Variants in USH2A observed in about 807,000 individuals in gnomAD.
USH2A encodes Usher syndrome 2A (autosomal recessive, mild).
A neutral mutation model predicts 538.9 loss-of-function variants in USH2A; 443 were observed. The ratio of observed to expected loss-of-function variants is 0.82; its 90% CI spans 0.76 to 0.89. The LOEUF is 0.89. Among genes scored for constraint, USH2A ranks in the 40% least tolerant of loss-of-function variants. USH2A has a pLI of 0.00. For synonymous variants in USH2A, 2,413 were observed against 2,273.5 expected (o/e 1.06, Z -1.75); for missense variants, 6,633 against 6,324.8 (o/e 1.05, Z -1.65).
At chr1:216,187,654 C>T (rs979443252) in intron 20 of USH2A, among the ~76,000 whole-genome samples, 5 of 151,772 alleles carry the variant, frequency 3.3e-5, no homozygotes, top group African/African-American at 1.2e-4. Flanking sequence ...ATTTTGATAA[C>T]ATTAGAAATT....
rs185269403 is a variant in USH2A at position 215,805,457 on chromosome 1, T to A, written c.9740-6332A>T. On this transcript the variant is annotated intron_variant, in intron 49 of 71. Coordinates refer to ENST00000307340, the MANE Select transcript of USH2A (RefSeq NM_206933.4). ...CAGGGAGTGGAAAGTTAGTGCTTAATGGAAACAGAGTCTGAGCTTGAGAAG... is the reference window on the plus strand; with the variant it reads ...CAGGGAGTGGAAAGTTAGTGCTTAAAGGAAACAGAGTCTGAGCTTGAGAAG... 2.1e-3 allele frequency among the ~76,000 whole-genome samples: 317 copies of A among 152,144 alleles called. 1 individual carries two copies. Among genetic ancestry groups the A allele is most frequent in the Middle Eastern group, 0.017 (5 of 294 alleles).
chr1:216,284,478 C>T (rs12023313), intron 11 of USH2A, among the ~76,000 whole-genome samples: 2,290 of 152,254 alleles, frequency 0.015, 18 homozygotes, highest in South Asian at 0.024. Context: ...AGGCCTCCCC[C>T]GCCCTGAGGA....
At chr1:215,758,485 A>C (rs1558085309) in intron 58 of USH2A, 110 bp downstream of exon 58, 2 of 1,358,624 alleles carry the variant, frequency 1.5e-6, no homozygotes, top group Non-Finnish European at 2.0e-6. Flanking sequence ...TTTATCCAGG[A>C]GACCGACTAT....
chr1:216,128,471 G>T (rs554588694), intron 21 of USH2A, among the ~76,000 whole-genome samples: 1 of 152,140 alleles, frequency 6.6e-6, no homozygotes, highest in African/African-American at 2.4e-5. Flanking sequence ...CCTTTCATAT[G>T]ATTACCCTGA....
chr1:215,809,091 A>G (rs531877439), intron 49 of USH2A, among the ~76,000 whole-genome samples: 1 of 152,306 alleles, frequency 6.6e-6, no homozygotes, highest in Admixed American at 6.5e-5. Context: ...ATGAAGGAGC[A>G]ACGAGCTTAT....
At chr1:216,098,518 C>T (rs2032499731) in intron 21 of USH2A, among the ~76,000 whole-genome samples, 1 of 152,122 alleles carries the variant, frequency 6.6e-6, no homozygotes, top group African/African-American at 2.4e-5. Flanking sequence ...TGGTGGTTAA[C>T]TCAGTTTCAA....
intron 47 of USH2A, among the ~76,000 whole-genome samples, chr1:215,817,827 G>A (rs755084196): frequency 2.0e-4 from 31 of 151,780 alleles, no homozygotes; most frequent in African/African-American, 5.6e-4. Flanking sequence ...TATCCACAGC[G>A]GACTCTTGAA....
chr1:215,715,227 G>A (rs1406007124), intron 61 of USH2A, among the ~76,000 whole-genome samples: 1 of 152,178 alleles, frequency 6.6e-6, no homozygotes, highest in Admixed American at 6.5e-5. Context: ...TTACAAGTGA[G>A]AACATGTGGT....
intron 3 of USH2A, among the ~76,000 whole-genome samples, chr1:216,407,297 T>A (rs2039411660): frequency 2.0e-5 from 3 of 152,206 alleles, no homozygotes; most frequent in Admixed American, 1.3e-4. Flanking sequence ...ACATTACATA[T>A]ATTTATATAT....
At chr1:216,142,628 ACTCT>A (rs1045504396) in intron 21 of USH2A, among the ~76,000 whole-genome samples, 2 of 152,144 alleles carry the variant, frequency 1.3e-5, no homozygotes, top group Non-Finnish European at 2.9e-5. Flanking sequence ...TAGCTGATAC[ACTCT>A]CTCTTTCCTA....
chr1:216,382,771 A>T (rs2038942483), intron 3 of USH2A, among the ~76,000 whole-genome samples: 2 of 152,148 alleles, frequency 1.3e-5, no homozygotes, highest in African/African-American at 4.8e-5. Context: ...AAGCCCTTGG[A>T]AATAGGGGTT....
chr1:216,299,876 C>T (rs893995782), intron 9 of USH2A, among the ~76,000 whole-genome samples: 1 of 152,034 alleles, frequency 6.6e-6, no homozygotes, highest in African/African-American at 2.4e-5. Context: ...AGAGATGATG[C>T]CTAAATTTGT....
chr1:216,143,589 C>T lies in USH2A; in HGVS notation c.4627+31663G>A, dbSNP rs533368489. On this transcript the variant is annotated intron_variant, in intron 21 of 71. Transcript: ENST00000307340. ...GACTCCTACGGAGTTTTTTAAAGAA[C>T]CCAATAAAATTAGTTTTCAAAAGCA... 2.0e-5 allele frequency among the ~76,000 whole-genome samples: 3 copies of T among 152,008 alleles called. No individual in the cohort carries two copies. In the East Asian group the frequency reaches 5.8e-4, roughly 29 times the overall value.
At chr1:216,330,201 T>C (rs1055026813) in intron 4 of USH2A, among the ~76,000 whole-genome samples, 4 of 152,156 alleles carry the variant, frequency 2.6e-5, no homozygotes, top group Admixed American at 1.3e-4. Context: ...CCAGGCACTT[T>C]CACGAGTGCC....
At chr1:215,836,563 A>ATT (rs1228939513) in intron 47 of USH2A, among the ~76,000 whole-genome samples, 308 of 29,478 alleles carry the variant, frequency 0.01, 31 homozygotes, top group East Asian at 0.04. Context: ...ATATATATAT[A>ATT]TATTTTTTTT....
intron 11 of USH2A, among the ~76,000 whole-genome samples, chr1:216,272,016 C>T (rs1362437185): frequency 2.0e-5 from 3 of 152,106 alleles, no homozygotes; most frequent in Non-Finnish European, 4.4e-5. Flanking sequence ...AGGTAGCCCT[C>T]ACAAAATGAG....
chr1:216,320,170 T>A (rs1365442205), intron 9 of USH2A, among the ~76,000 whole-genome samples: 1 of 152,090 alleles, frequency 6.6e-6, no homozygotes, highest in East Asian at 1.9e-4. Flanking sequence ...TGGAGGTGGA[T>A]CCTTCATGAA....
intron 63 of USH2A, among the ~76,000 whole-genome samples, chr1:215,673,790 G>A (rs1657899880): frequency 6.6e-6 from 1 of 152,144 alleles, no homozygotes; most frequent in South Asian, 2.1e-4. Context: ...CTGTCCAGGG[G>A]CCTGCGTATT....
At chr1:215,819,406 T>TA (rs5780859) in intron 47 of USH2A, among the ~76,000 whole-genome samples, 101,260 of 151,210 alleles carry the variant, frequency 0.67, 34,603 homozygotes, top group African/African-American at 0.79. Flanking sequence ...CATAGACTGC[T>TA]AAAAAAAGAA....
Sources: allele counts gnomAD v4.1 joint callset (sites outside exome capture counted in the v4.1 genomes callset), GRCh38; gene constraint gnomAD v4.1.1; transcripts MANE v1.5; gene names NCBI Gene and HGNC (gene_info 2026-07-23, HGNC 2026-07-21).